Variants in C20orf144 observed in about 807,000 individuals in gnomAD.
The protein encoded by C20orf144 is uncharacterized protein C20orf144.
A neutral mutation model predicts 3.8 loss-of-function variants in C20orf144; 8 were observed. The ratio of observed to expected loss-of-function variants is 2.11; its 90% confidence interval spans 1.24 to 3.80. The LOEUF is 3.80. Among genes scored for constraint, C20orf144 ranks in the 30% most tolerant of loss-of-function variants. The probability of loss-of-function intolerance (pLI) is 0.00; values close to 1 mark genes in which losing one functional copy is unlikely to be tolerated. For synonymous variants in C20orf144, 126 were observed against 104.1 expected (o/e 1.21, Z -1.28); for missense variants, 289 against 224.5 (o/e 1.29, Z -1.83).
In C20orf144 at chr20:33,662,451, C is replaced by T. The variant is rs1660828423; in HGVS notation, c.106C>T (p.Leu36Phe). 1 of 1,551,726 alleles carries T rather than the reference C, an allele frequency of 6.4e-7. No homozygotes were observed. Among genetic ancestry groups the T allele is most frequent in the African/African-American group, 1.4e-5 (1 of 73,100 alleles). ...CTGGTGGAAATCGTTCCTCAACCAC[C>T]TCACTCGGAAGAAGCCGGCTGTGAG... Reference protein sequence around the residue: ...KAWWKSFLNHLTRKKPATRIV... With the variant: ...KAWWKSFLNHFTRKKPATRIV... The change falls in exon 1 of 2, where the codon CTC becomes TTC. Residue 36 changes from leucine (L) to phenylalanine (F), a missense_variant. Coordinates refer to ENST00000375222, the MANE Select transcript of C20orf144 (RefSeq NM_080825.4).
Position 33,663,642 on chromosome 20 carries a change from A to T in C20orf144, c.237A>T (p.Arg79Ser). The change falls in exon 2 of 2, where the codon AGA (arginine) becomes AGT (serine). Residue 79 changes from arginine to serine, a missense_variant. Coordinates refer to ENST00000375222, the MANE Select transcript of C20orf144 (RefSeq NM_080825.4). The part of the protein sequence containing the change: ...GAGLGSPAAP[R>S]LRGAGEGSER... The stretch of plus-strand genomic sequence containing the variant: ...GGCTGGGCTCCCCGGCGGCACCCAG[A>T]TTGCGCGGAGCGGGCGAAGGTAGCG... 3 of 1,605,608 alleles carry T rather than the reference A, an allele frequency of 1.9e-6. No individual in the cohort carries two copies. Among genetic ancestry groups the T allele is most frequent in the Non-Finnish European group, 2.5e-6 (3 of 1,178,700 alleles).
Position 33,663,863 on chromosome 20 carries a change from TTTAAACGCTTGGCCCGG to T in C20orf144, c.459_*13del. On this transcript the variant is annotated stop_lost and 3_prime_UTR_variant, in exon 2 of 2. Transcript: ENST00000375222. ...CGGTGCCGCTGCCCTCGCCCGCAGCTTTAAACGCTTGGCCCGGACCCCGCCCAATAAAGAGTGCGTGG... is the reference window on the plus strand; with the variant it reads ...CGGTGCCGCTGCCCTCGCCCGCAGCTACCCCGCCCAATAAAGAGTGCGTGG... 2 of 1,395,390 alleles carry T rather than the reference TTTAAACGCTTGGCCCGG, an allele frequency of 1.4e-6. No individual in the cohort carries two copies. The highest frequency in any genetic ancestry group is 1.6e-5 in the South Asian group (1 of 64,036). 86.4% of individuals were successfully genotyped at this position (1,395,390 alleles called of 1,614,324 possible).
Sources: allele counts gnomAD v4.1 joint callset, GRCh38; gene constraint gnomAD v4.1.1; transcripts MANE v1.5; gene names NCBI Gene and HGNC (gene_info 2026-07-23, HGNC 2026-07-21).